The following CNBD1 variants were observed in gnomAD, a reference collection of about 807,000 sequenced individuals.
The protein encoded by CNBD1 is cyclic nucleotide-binding domain-containing protein 1.
Under a neutral mutation model 54.4 loss-of-function variants are expected in CNBD1, and 71 were observed. The ratio of observed to expected loss-of-function variants is 1.30; its 90% CI spans 1.08 to 1.59. CNBD1 has a LOEUF of 1.59. Among genes scored for constraint, CNBD1 ranks in the 40% most tolerant of loss-of-function variants. CNBD1 has a pLI of 0.00. For synonymous variants in CNBD1, 182 were observed against 170.7 expected (o/e 1.07, Z -0.51); for missense variants, 659 against 518.0 (o/e 1.27, Z -2.64).
At chr8:86,996,666 A>T (rs1215764625) in intron 4 of CNBD1, among the ~76,000 whole-genome samples, 5 of 152,216 alleles carry the variant, frequency 3.3e-5, no homozygotes, top group Non-Finnish European at 5.9e-5. Flanking sequence ...GTGGGAGAGG[A>T]TATTAAGCAG....
chr8:86,968,913 T>G (rs1353388009), intron 4 of CNBD1, among the ~76,000 whole-genome samples: 2 of 152,178 alleles, frequency 1.3e-5, no homozygotes, highest in Non-Finnish European at 2.9e-5. Context: ...AAGCTATCAA[T>G]TTACATTGAC....
chr8:86,956,648 A>T (rs1315835430), intron 4 of CNBD1, among the ~76,000 whole-genome samples: 1 of 152,190 alleles, frequency 6.6e-6, no homozygotes, highest in East Asian at 1.9e-4. Context: ...ATTGGTGTAT[A>T]GGAATGCTTG....
At chr8:87,415,345 C>T (rs1807818069) in intron 2 of CNBD1, among the ~76,000 whole-genome samples, 1 of 151,998 alleles carries the variant, frequency 6.6e-6, no homozygotes, top group East Asian at 1.9e-4. Flanking sequence ...CTGGTCTGAG[C>T]ACTTTAGAAC....
intron 8 of CNBD1, among the ~76,000 whole-genome samples, chr8:87,317,121 A>T (rs1324137607): frequency 6.6e-6 from 1 of 151,822 alleles, no homozygotes; most frequent in Non-Finnish European, 1.5e-5. Flanking sequence ...ACTAGAAAAT[A>T]TCAGTTCTAT....
chr8:86,959,488 A>T (rs1274158258), intron 4 of CNBD1, among the ~76,000 whole-genome samples: 2 of 152,158 alleles, frequency 1.3e-5, no homozygotes, highest in Non-Finnish European at 2.9e-5. Flanking sequence ...AGGTACACCA[A>T]TGAGATGTAG....
At chr8:87,270,206 A>T (rs1020199834) in intron 6 of CNBD1, among the ~76,000 whole-genome samples, 1 of 152,034 alleles carries the variant, frequency 6.6e-6, no homozygotes, top group African/African-American at 2.4e-5. Context: ...ATAAAATTCA[A>T]CATTTCTTCA....
In CNBD1 at chr8:87,347,748, A is replaced by G. The variant is rs150834444; in HGVS notation, c.1043-3937A>G. ...TTCCTTGATCTGTAGATGGCTCCAT[A>G]GACATAGCATTTGTCTTACATTGCC... On this transcript the variant is annotated intron_variant, in intron 8 of 10. Transcript: ENST00000518476. Among the ~76,000 whole-genome samples the G allele has an allele frequency of 7.2e-3, 1,098 of 152,268 alleles. 13 individuals are homozygous for G. The highest frequency in any genetic ancestry group is 9.8e-3 in the Non-Finnish European group (664 of 68,016).
intron 4 of CNBD1, among the ~76,000 whole-genome samples, chr8:87,022,305 A>T (rs1408016216): frequency 6.6e-6 from 1 of 152,156 alleles, no homozygotes; most frequent in East Asian, 1.9e-4. Context: ...TGGGAACAGG[A>T]TATTGTGCCA....
intron 4 of CNBD1, among the ~76,000 whole-genome samples, chr8:86,944,825 G>T (rs1485635412): frequency 7.9e-5 from 12 of 152,186 alleles, no homozygotes; most frequent in Admixed American, 7.9e-4. Flanking sequence ...GTTTCAGAGT[G>T]ACCTGTTAGA....
At chr8:86,952,134 T>C (rs1807641683) in intron 4 of CNBD1, among the ~76,000 whole-genome samples, 1 of 152,196 alleles carries the variant, frequency 6.6e-6, no homozygotes. Flanking sequence ...TGTCCTACTT[T>C]TCTGCGCCAA....
At chr8:87,321,394 C>A (rs1809525781) in intron 8 of CNBD1, among the ~76,000 whole-genome samples, 1 of 152,134 alleles carries the variant, frequency 6.6e-6, no homozygotes, top group Non-Finnish European at 1.5e-5. Flanking sequence ...CATCCCAACA[C>A]CTGTAAGGCA....
chr8:87,283,745 C>A (rs1215522327), intron 6 of CNBD1, among the ~76,000 whole-genome samples: 1 of 152,058 alleles, frequency 6.6e-6, no homozygotes, highest in Non-Finnish European at 1.5e-5. Flanking sequence ...AGACTTTAGG[C>A]AAGGAGGCAC....
At chr8:87,223,688 G>A (rs1453431453) in intron 5 of CNBD1, among the ~76,000 whole-genome samples, 1 of 151,962 alleles carries the variant, frequency 6.6e-6, no homozygotes, top group East Asian at 1.9e-4. Flanking sequence ...TGTGAATAAT[G>A]CCGCAATAAA....
At chr8:87,241,420 G>A (rs1242367601) in intron 6 of CNBD1, among the ~76,000 whole-genome samples, 1 of 151,826 alleles carries the variant, frequency 6.6e-6, no homozygotes, top group Non-Finnish European at 1.5e-5. Flanking sequence ...ACAGGGGCCT[G>A]CCACCACGCC....
Position 86,901,430 on chromosome 8 carries a change from C to T in CNBD1, c.159-3651C>T, listed in dbSNP as rs576228955. On this transcript the variant is annotated intron_variant, in intron 2 of 10. Transcript: ENST00000518476. ...AAATGTGAATTGCCTCGGGCAAACA[C>T]ATAAATATAATTAATCAATAAATAT... Among the ~76,000 whole-genome samples, 11 of 152,228 alleles carry T rather than the reference C, an allele frequency of 7.2e-5. No homozygotes were observed. In the East Asian group the frequency reaches 1.9e-3, roughly 27 times the overall value.
intron 5 of CNBD1, among the ~76,000 whole-genome samples, chr8:87,226,230 C>T (rs1404888019): frequency 6.6e-6 from 1 of 151,612 alleles, no homozygotes; most frequent in Non-Finnish European, 1.5e-5. Context: ...CTTTTTGTGT[C>T]TCTATTTCCT....
chr8:86,876,848 A>G (rs1808528218), intron 1 of CNBD1, among the ~76,000 whole-genome samples: 1 of 152,034 alleles, frequency 6.6e-6, no homozygotes, highest in East Asian at 1.9e-4. Context: ...TTCATTTCCT[A>G]TTTGATTTTT....
chr8:87,308,986 A>T (rs896635524), intron 8 of CNBD1, among the ~76,000 whole-genome samples: 17 of 152,060 alleles, frequency 1.1e-4, no homozygotes, highest in Admixed American at 2.0e-4. Flanking sequence ...TTATCCATTC[A>T]TTTCTTGATG....
At chr8:87,020,308 A>T (rs1476172680) in intron 4 of CNBD1, among the ~76,000 whole-genome samples, 1 of 152,044 alleles carries the variant, frequency 6.6e-6, no homozygotes, top group African/African-American at 2.4e-5. Flanking sequence ...GTCCTCCCCC[A>T]TTATTCAAAT....
Sources: gnomAD v4.1 joint callset for allele counts (sites outside exome capture counted in the v4.1 genomes callset) on GRCh38, gnomAD v4.1.1 for gene constraint, MANE v1.5 for transcripts, NCBI Gene and HGNC (gene_info 2026-07-23, HGNC 2026-07-21) for gene names.